Variants in FAM135B observed in about 807,000 individuals in gnomAD.
FAM135B encodes protein FAM135B.
Under a neutral mutation model 127.7 loss-of-function variants are expected in FAM135B, and 43 were observed. That is an observed-to-expected ratio of 0.34 (90% CI 0.26 to 0.43). FAM135B has a LOEUF of 0.43. Ranked by LOEUF, FAM135B falls within the 20% of genes least tolerant of loss-of-function variation. The pLI is 1.00. For missense variants in FAM135B, 1,558 were observed against 1,725.6 expected (o/e 0.90, Z 1.72); for synonymous variants, 670 against 665.1 (o/e 1.01, Z -0.11).
At chr8:138,292,891 G>GAA (rs200279249) in intron 3 of FAM135B, among the ~76,000 whole-genome samples, 1 of 150,966 alleles carries the variant, frequency 6.6e-6, no homozygotes, top group Non-Finnish European at 1.5e-5. Context: ...CACAGAATTA[G>GAA]AAAAAAAAAT....
intron 4 of FAM135B, among the ~76,000 whole-genome samples, chr8:138,262,147 T>C (rs1822582443): frequency 6.6e-6 from 1 of 152,170 alleles, no homozygotes; most frequent in Admixed American, 6.5e-5. Context: ...CCATTCAACT[T>C]GAGAACTAAG....
At chr8:138,345,765 G>GA (rs1017104974) in intron 2 of FAM135B, among the ~76,000 whole-genome samples, 2 of 152,178 alleles carry the variant, frequency 1.3e-5, no homozygotes, top group Non-Finnish European at 2.9e-5. Flanking sequence ...TTCGCCAAAG[G>GA]AAAATCAGAC....
intron 2 of FAM135B, among the ~76,000 whole-genome samples, chr8:138,366,781 C>A (rs1830770056): frequency 6.6e-6 from 1 of 152,206 alleles, no homozygotes; most frequent in Admixed American, 6.5e-5. Context: ...TCTTAGTCTT[C>A]TATCTAGAGA....
At chr8:138,185,870 G>A (rs1482074837) in intron 9 of FAM135B, among the ~76,000 whole-genome samples, 1 of 152,190 alleles carries the variant, frequency 6.6e-6, no homozygotes, top group African/African-American at 2.4e-5. Flanking sequence ...TCTGTGAGGA[G>A]TACACCCCAC....
intron 7 of FAM135B, among the ~76,000 whole-genome samples, chr8:138,226,860 C>A (rs1819497977): frequency 6.6e-6 from 1 of 152,158 alleles, no homozygotes; most frequent in African/African-American, 2.4e-5. Flanking sequence ...CCACACCGAG[C>A]TAATTTTTAT....
chr8:138,150,867 C>T (rs1005937865), intron 13 of FAM135B, among the ~76,000 whole-genome samples: 5 of 151,718 alleles, frequency 3.3e-5, no homozygotes, highest in Non-Finnish European at 7.4e-5. Flanking sequence ...TTTACAATTG[C>T]CATTTGTACA....
At chr8:138,284,339 C>G (rs1308919202) in intron 3 of FAM135B, among the ~76,000 whole-genome samples, 1 of 152,110 alleles carries the variant, frequency 6.6e-6, no homozygotes, top group Non-Finnish European at 1.5e-5. Context: ...AGTGGCCTTC[C>G]TTCTGCTCAG....
intron 9 of FAM135B, among the ~76,000 whole-genome samples, chr8:138,193,331 C>T (rs767243969): frequency 4.6e-5 from 7 of 152,260 alleles, no homozygotes; most frequent in East Asian, 3.9e-4. Context: ...AAATATAAGT[C>T]GGTGATGCTG....
At chr8:138,468,976 G>A (rs1283120295) in intron 1 of FAM135B, among the ~76,000 whole-genome samples, 1 of 152,004 alleles carries the variant, frequency 6.6e-6, no homozygotes, top group East Asian at 1.9e-4. Flanking sequence ...ACCAGGAGGC[G>A]GAGGTTGCAG....
chr8:138,299,104 T>TACATAAATA (rs1825687430), intron 3 of FAM135B, among the ~76,000 whole-genome samples: 1 of 143,660 alleles, frequency 7.0e-6, no homozygotes, highest in Admixed American at 6.9e-5. Flanking sequence ...AATAAATAAA[T>TACATAAATA]AAATAAAATA....
intron 7 of FAM135B, among the ~76,000 whole-genome samples, chr8:138,198,400 C>T (rs1816833911): frequency 6.6e-6 from 1 of 152,182 alleles, no homozygotes; most frequent in African/African-American, 2.4e-5. Context: ...AACCTTCTTT[C>T]CCCACTACTG....
chr8:138,355,914 TAA>T (rs1223851828), intron 2 of FAM135B, among the ~76,000 whole-genome samples: 1 of 152,198 alleles, frequency 6.6e-6, no homozygotes, highest in Admixed American at 6.6e-5. Flanking sequence ...CTAACGGTGT[TAA>T]GAGGTGAGGC....
rs2130630454 is a variant in FAM135B at position 138,265,768 on chromosome 8, T to G, written c.232A>C (p.Asn78His). The G allele has an allele frequency of 1.9e-6, 3 of 1,614,060 alleles. No homozygotes were observed. The highest frequency in any genetic ancestry group is 2.5e-6 in the Non-Finnish European group (3 of 1,179,994). Residue 78 changes from asparagine (N) to histidine (H), a missense_variant, in exon 4 of 20, where the codon AAT (asparagine) becomes CAT (histidine). By Grantham distance (68) the Asn-to-His change is moderately conservative (BLOSUM62 1). Around this residue, in one of 5 missense-constraint regions of FAM135B, gnomAD observed 199 missense variants for 245.7 expected, o/e 0.81. Transcript: ENST00000395297. ...HSRVFQILYRNEEVPINDAVV... is the reference protein window; with the variant it reads ...HSRVFQILYRHEEVPINDAVV... ...GCATCATTTATGGGTACCTCTTCAT[T>G]CCGGTATAAGATCTGAAAGACCCGG...
At chr8:138,267,519 G>A (rs765190306) in intron 3 of FAM135B, among the ~76,000 whole-genome samples, 5 of 149,948 alleles carry the variant, frequency 3.3e-5, no homozygotes, top group Non-Finnish European at 7.4e-5. Context: ...AAAGGGTGGG[G>A]ACTCTATAAA....
chr8:138,494,849 A>AAAAAACAAAAC (rs373037651), intron 1 of FAM135B, among the ~76,000 whole-genome samples: 1 of 150,000 alleles, frequency 6.7e-6, no homozygotes, highest in African/African-American at 2.5e-5. Flanking sequence ...AAAAAAAAAA[A>AAAAAACAAAAC]AAACTTAATC....
chr8:138,407,737 C>T (rs1430642339), intron 1 of FAM135B, among the ~76,000 whole-genome samples: 1 of 152,184 alleles, frequency 6.6e-6, no homozygotes, highest in Non-Finnish European at 1.5e-5. Flanking sequence ...CCCTTCCTTA[C>T]ACCTTATACG....
intron 7 of FAM135B, among the ~76,000 whole-genome samples, chr8:138,221,184 G>T (rs1818997498): frequency 6.6e-6 from 1 of 152,178 alleles, no homozygotes; most frequent in African/African-American, 2.4e-5. Context: ...TCTGCAGGCT[G>T]CCCAGGAAGC....
Position 138,243,014 on chromosome 8 carries a change from T to C in FAM135B, c.597A>G (p.Gly199=), listed in dbSNP as rs550332044. 62 of 1,613,938 alleles carry C rather than the reference T, an allele frequency of 3.8e-5. 1 individual carries two copies. In the South Asian group the frequency reaches 5.8e-4, roughly 15 times the overall value. ...SWLGKGGPDT[G]QEQSIISLEN... is the part of the protein sequence containing the mutation. ...CCAGAGAAATGATAGACTGTTCTTG[T>C]CCGGTGTCTGGGCCACCTTTACCAA... Residue 199 remains glycine, a synonymous_variant, in exon 7 of 20, where the codon GGA becomes GGG. Transcript: ENST00000395297. The surrounding 1 kb of genome is among the most constrained non-coding windows in gnomAD (Gnocchi z 7.5).
At chr8:138,147,067 C>T (rs1243972372) in intron 14 of FAM135B, among the ~76,000 whole-genome samples, 2 of 152,100 alleles carry the variant, frequency 1.3e-5, no homozygotes, top group Non-Finnish European at 1.5e-5. Flanking sequence ...GCCCATACGC[C>T]CCCTATGTTG....
Sources: gnomAD v4.1 joint callset for allele counts (sites outside exome capture counted in the v4.1 genomes callset) on GRCh38, gnomAD v4.1.1 for gene constraint, gnomAD v4.1.1 regional missense constraint, Gnocchi (gnomAD v3.1) non-coding constraint, MANE v1.5 for transcripts, NCBI Gene and HGNC (gene_info 2026-07-23, HGNC 2026-07-21) for gene names.